Variants in RPS6KC1 observed in about 807,000 individuals in gnomAD.
RPS6KC1 encodes the protein ribosomal protein S6 kinase C1, also known as inactive ribosomal protein S6 kinase delta-1.
Under a neutral mutation model 103.8 loss-of-function variants are expected in RPS6KC1, and 54 were observed. The observed-to-expected ratio is 0.52, with a 90% confidence interval of 0.42 to 0.65. RPS6KC1 has a LOEUF of 0.65. RPS6KC1 is among the 30% of genes least tolerant of loss of function. The pLI, the probability that RPS6KC1 is intolerant of heterozygous loss-of-function variation, is 0.00. For synonymous variants in RPS6KC1, 439 were observed against 438.7 expected, an observed-to-expected ratio of 1.00 and a Z score of -0.01; for missense variants, 1,151 against 1,253.8, an observed-to-expected ratio of 0.92 and a Z score of 1.24.
At chr1:213,537,212 T>C in the RPS6KC1 span, among the ~76,000 whole-genome samples, 2 of 152,172 alleles carry the variant, frequency 1.3e-5, no homozygotes, top group East Asian at 1.9e-4. Context: ...ATGTTCCTCA[T>C]AGACAAAGAG....
downstream of RPS6KC1, among the ~76,000 whole-genome samples, chr1:213,278,405 CAAG>C (rs2095116368): frequency 6.6e-6 from 1 of 151,860 alleles, no homozygotes; most frequent in South Asian, 2.1e-4. Context: ...CAATGGAAAA[CAAG>C]AAGAAAAGGA....
the RPS6KC1 span, among the ~76,000 whole-genome samples, chr1:213,528,690 A>AGT: frequency 1.3e-3 from 194 of 152,242 alleles, no homozygotes; most frequent in African/African-American, 4.5e-3. Context: ...ATGTTGATTT[A>AGT]ATGTCATCTC....
intron 3 of RPS6KC1, among the ~76,000 whole-genome samples, chr1:213,104,249 CTT>C (rs1399704507): frequency 6.6e-6 from 1 of 152,140 alleles, no homozygotes; most frequent in East Asian, 1.9e-4. Context: ...ACCTTTGTCT[CTT>C]GTTTTATCAG....
At chr1:213,637,974 A>T in the RPS6KC1 span, among the ~76,000 whole-genome samples, 1 of 151,848 alleles carries the variant, frequency 6.6e-6, no homozygotes, top group African/African-American at 2.4e-5. Flanking sequence ...GCACCATCAC[A>T]CCTGGCTAAT....
At chr1:213,662,428 A>ATTTTTTTTTTTTTTTT in the RPS6KC1 span, among the ~76,000 whole-genome samples, 1 of 120,958 alleles carries the variant, frequency 8.3e-6, no homozygotes, top group Non-Finnish European at 1.7e-5. Context: ...CACCTGGCTA[A>ATTTTTTTTTTTTTTTT]TTTTTTTTTT....
intron 6 of RPS6KC1, among the ~76,000 whole-genome samples, chr1:213,160,368 A>T (rs1264516638): frequency 1.3e-5 from 2 of 152,202 alleles, no homozygotes; most frequent in Non-Finnish European, 2.9e-5. Flanking sequence ...TATTTTCCTC[A>T]TGTTATTACA....
At chr1:213,281,991 CCTTT>C in the RPS6KC1 span, among the ~76,000 whole-genome samples, 5 of 152,236 alleles carry the variant, frequency 3.3e-5, no homozygotes, top group Non-Finnish European at 5.9e-5. Context: ...TTCTTTCCTT[CCTTT>C]GTCTCCTTCC....
At chr1:213,481,111 G>A in the RPS6KC1 span, among the ~76,000 whole-genome samples, 11 of 152,048 alleles carry the variant, frequency 7.2e-5, no homozygotes, top group South Asian at 1.9e-3. Context: ...CATTATCAAC[G>A]CTATGTTAGT....
the RPS6KC1 span, among the ~76,000 whole-genome samples, chr1:213,630,471 G>A: frequency 6.6e-6 from 1 of 152,038 alleles, no homozygotes; most frequent in African/African-American, 2.4e-5. Context: ...ATTCTAGTTA[G>A]CCATTCATCT....
the RPS6KC1 span, among the ~76,000 whole-genome samples, chr1:213,557,943 C>T: frequency 6.6e-6 from 1 of 152,162 alleles, no homozygotes; most frequent in Non-Finnish European, 1.5e-5. Context: ...TGATATGCTG[C>T]TCATGTTCCC....
At chr1:213,638,128 C>A in the RPS6KC1 span, among the ~76,000 whole-genome samples, 1 of 151,970 alleles carries the variant, frequency 6.6e-6, no homozygotes, top group East Asian at 1.9e-4. Flanking sequence ...CTTATTGTGG[C>A]TTTAATTTAC....
At chr1:213,586,202 C>A in the RPS6KC1 span, among the ~76,000 whole-genome samples, 1 of 152,234 alleles carries the variant, frequency 6.6e-6, no homozygotes, top group Admixed American at 6.5e-5. Flanking sequence ...AAGGGACTGA[C>A]ATTACATTAC....
chr1:213,755,595 G>T, the RPS6KC1 span, among the ~76,000 whole-genome samples: 48 of 152,176 alleles, frequency 3.2e-4, no homozygotes, highest in African/African-American at 1.2e-3. Flanking sequence ...AGTGGCAGCT[G>T]GAGTGGGAAA....
intron 4 of RPS6KC1, 64 bp from the exon 5 acceptor site, chr1:213,117,253 T>G: frequency 1.1e-6 from 1 of 922,552 alleles, no homozygotes; most frequent in South Asian, 1.5e-5. Flanking sequence ...GGGATAACTA[T>G]TTTTTATTTA....
chr1:213,861,347 C>A, the RPS6KC1 span, among the ~76,000 whole-genome samples: 9 of 152,148 alleles, frequency 5.9e-5, no homozygotes, highest in Admixed American at 3.3e-4. Context: ...AGAAGGCCCC[C>A]ACACCTTATC....
the RPS6KC1 span, among the ~76,000 whole-genome samples, chr1:213,640,769 C>A: frequency 6.6e-6 from 1 of 151,582 alleles, no homozygotes; most frequent in Non-Finnish European, 1.5e-5. Context: ...AATTTCAATT[C>A]TTTTAAACAT....
At chr1:213,821,132 C>G in the RPS6KC1 span, 1 of 152,508 alleles carries the variant, frequency 6.6e-6, no homozygotes, top group Non-Finnish European at 1.5e-5. Context: ...ACCCCATCTC[C>G]TGCCTTCATC....
At chr1:213,813,261 C>A in the RPS6KC1 span, among the ~76,000 whole-genome samples, 8 of 151,958 alleles carry the variant, frequency 5.3e-5, no homozygotes, top group East Asian at 1.4e-3. Context: ...CCGCTGTCAC[C>A]CAGGCTGGAG....
chr1:213,345,406 C>G, the RPS6KC1 span, among the ~76,000 whole-genome samples: 1 of 152,144 alleles, frequency 6.6e-6, no homozygotes, highest in African/African-American at 2.4e-5. Context: ...TTTGCTTTTT[C>G]TTGTAGCTTT....
Sources: allele counts gnomAD v4.1 joint callset (sites outside exome capture counted in the v4.1 genomes callset), GRCh38; gene constraint gnomAD v4.1.1; transcripts MANE v1.5; gene names NCBI Gene and HGNC (gene_info 2026-07-23, HGNC 2026-07-21).